Variants in THRB observed in about 807,000 individuals in gnomAD.
THRB encodes the protein nuclear receptor subfamily 1 group A member 2.
A neutral mutation model predicts 47.8 loss-of-function variants in THRB; 12 were observed. The observed-to-expected ratio is 0.25, with a 90% CI of 0.16 to 0.41. THRB has a LOEUF of 0.41. Among genes scored for constraint, THRB ranks in the 10% least tolerant of loss-of-function variants. The pLI is 1.00. For synonymous variants in THRB, 218 were observed against 212.2 expected, an observed-to-expected ratio of 1.03 and a Z score of -0.24; for missense variants, 348 against 589.2, an observed-to-expected ratio of 0.59 and a Z score of 4.24.
At chr3:24,183,915 AT>A (rs1228168116) in intron 5 of THRB, among the ~76,000 whole-genome samples, 4 of 152,168 alleles carry the variant, frequency 2.6e-5, no homozygotes, top group Admixed American at 6.5e-5. Context: ...TCATTAATAC[AT>A]TCATTAATAT....
intron 4 of THRB, among the ~76,000 whole-genome samples, chr3:24,216,052 A>G (rs1222035489): frequency 6.6e-6 from 1 of 152,038 alleles, no homozygotes; most frequent in South Asian, 2.1e-4. Context: ...TATTTTGCTA[A>G]TAGACGCTTT....
chr3:24,195,620 A>G (rs972268641), intron 4 of THRB, among the ~76,000 whole-genome samples: 6 of 152,212 alleles, frequency 3.9e-5, no homozygotes, highest in Admixed American at 3.9e-4. Context: ...ACTTCCCACC[A>G]ATATTAGAAT....
intron 5 of THRB, among the ~76,000 whole-genome samples, chr3:24,172,158 C>G (rs938548342): frequency 2.6e-5 from 4 of 152,148 alleles, no homozygotes; most frequent in Non-Finnish European, 5.9e-5. Context: ...ATGAAACATA[C>G]TTTGAAAAAC....
intron 1 of THRB, among the ~76,000 whole-genome samples, chr3:24,386,716 A>G (rs1052171847): frequency 6.6e-6 from 1 of 152,152 alleles, no homozygotes; most frequent in African/African-American, 2.4e-5. Flanking sequence ...TAATTTTGTG[A>G]TAAGACACCA....
intron 1 of THRB, among the ~76,000 whole-genome samples, chr3:24,392,275 T>G (rs947394198): frequency 6.6e-6 from 1 of 152,102 alleles, no homozygotes; most frequent in Non-Finnish European, 1.5e-5. Context: ...TTGATACATA[T>G]TTTTGGGGTA....
intron 2 of THRB, among the ~76,000 whole-genome samples, chr3:24,303,761 C>T (rs185374209): frequency 2.6e-5 from 4 of 152,304 alleles, no homozygotes; most frequent in Admixed American, 1.3e-4. Flanking sequence ...TAGTCTTTAT[C>T]ATGTTTAAGT....
At chr3:24,145,703 T>G (rs1349204624) in intron 7 of THRB, among the ~76,000 whole-genome samples, 1 of 152,230 alleles carries the variant, frequency 6.6e-6, no homozygotes, top group Non-Finnish European at 1.5e-5. Flanking sequence ...CCAGAACATT[T>G]CACAGATTTT....
intron 1 of THRB, among the ~76,000 whole-genome samples, chr3:24,374,894 T>C (rs2065162082): frequency 6.6e-6 from 1 of 152,126 alleles, no homozygotes. Flanking sequence ...AATATTCCTC[T>C]CTATTACTCT....
intron 1 of THRB, among the ~76,000 whole-genome samples, chr3:24,470,738 T>A (rs555400445): frequency 1.3e-5 from 2 of 152,258 alleles, no homozygotes; most frequent in African/African-American, 4.8e-5. Flanking sequence ...TGCCTCAGCC[T>A]CCCCAGTAGC....
intron 1 of THRB, among the ~76,000 whole-genome samples, chr3:24,346,562 A>G (rs926824041): frequency 1.3e-5 from 2 of 152,042 alleles, no homozygotes; most frequent in Non-Finnish European, 2.9e-5. Context: ...ATGCTGCTTA[A>G]CTGAGACACT....
rs917880226 is a variant in THRB, at chr3:24,231,346, A to G, written c.-42-2345T>C. On this transcript the variant is annotated intron_variant, in intron 3 of 10. Coordinates refer to ENST00000646209, the MANE Select transcript of THRB (RefSeq NM_001354712.2). Reference sequence around the variant, plus strand: ...TTCCAATTGAATAGGCATATGAACTATAGGAAATTATTGTGTGTGGGGCGG... The same window carrying G: ...TTCCAATTGAATAGGCATATGAACTGTAGGAAATTATTGTGTGTGGGGCGG... 4.1e-4 allele frequency among the ~76,000 whole-genome samples: 62 copies of G among 152,188 alleles called. 5 individuals are homozygous for G. The highest frequency in any genetic ancestry group is 4.4e-5 in the Non-Finnish European group (3 of 68,040).
intron 3 of THRB, among the ~76,000 whole-genome samples, chr3:24,239,267 G>T (rs946439841): frequency 1.3e-5 from 2 of 152,006 alleles, no homozygotes; most frequent in African/African-American, 2.4e-5. Context: ...GTTTAATTCT[G>T]CTTGGTAAAG....
chr3:24,124,558 A>G (rs2032353276), intron 10 of THRB, among the ~76,000 whole-genome samples: 1 of 152,244 alleles, frequency 6.6e-6, no homozygotes, highest in Non-Finnish European at 1.5e-5. Context: ...TGACATTTTG[A>G]TGATGCTTGA....
chr3:24,243,879 G>A (rs1309621639), intron 3 of THRB, among the ~76,000 whole-genome samples: 2 of 144,812 alleles, frequency 1.4e-5, no homozygotes, highest in African/African-American at 2.6e-5. Flanking sequence ...CCCTTGTTGG[G>A]GGTGCTAGGG....
intron 9 of THRB, among the ~76,000 whole-genome samples, chr3:24,131,628 A>G: frequency 6.6e-6 from 1 of 152,188 alleles, no homozygotes; most frequent in East Asian, 1.9e-4. Flanking sequence ...TGATGAGGTC[A>G]TGAGAGTGGG....
chr3:24,398,566 A>T (rs2067149099), intron 1 of THRB, among the ~76,000 whole-genome samples: 1 of 152,196 alleles, frequency 6.6e-6, no homozygotes, highest in Admixed American at 6.5e-5. Context: ...ATCATTAAAA[A>T]GTCAGGAAAC....
At chr3:24,348,169 G>C (rs951285741) in intron 1 of THRB, among the ~76,000 whole-genome samples, 4 of 152,106 alleles carry the variant, frequency 2.6e-5, no homozygotes, top group Admixed American at 1.3e-4. Context: ...AAAATATAAG[G>C]TTGGTTTAAT....
chr3:24,371,150 G>C (rs1002080089), intron 1 of THRB, among the ~76,000 whole-genome samples: 3 of 151,992 alleles, frequency 2.0e-5, no homozygotes, highest in Non-Finnish European at 2.9e-5. Flanking sequence ...GCAATAGAGT[G>C]GTTAGAACAC....
rs995759016 is a variant in THRB, at chr3:24,158,435, G to C, written c.284-5945C>G. Among the ~76,000 whole-genome samples, 20 of 86,500 alleles carry C rather than the reference G, an allele frequency of 2.3e-4. 1 individual carries two copies. The South Asian group carries it at 9.2e-3, about 40-fold the overall frequency. 56.7% of individuals were successfully genotyped at this position (86,500 alleles called of 152,430 possible). ...AAAATGATAACTTTTTTTTTTTTTG[G>C]GGGGAGGGTGGGGGACGAGTTTCAC... On this transcript the variant is annotated intron_variant, in intron 5 of 10. Coordinates refer to ENST00000646209, the MANE Select transcript of THRB (RefSeq NM_001354712.2).
Sources: gnomAD v4.1 joint callset for allele counts (sites outside exome capture counted in the v4.1 genomes callset) on GRCh38, gnomAD v4.1.1 for gene constraint, MANE v1.5 for transcripts, NCBI Gene and HGNC (gene_info 2026-07-23, HGNC 2026-07-21) for gene names.